TTC23: variants seen among roughly 807,000 people sequenced by gnomAD.
The protein encoded by TTC23 is tetratricopeptide repeat domain 23, also known as tetratricopeptide repeat protein 23.
Under a neutral mutation model 55.1 loss-of-function variants are expected in TTC23, and 58 were observed. That is an observed-to-expected ratio of 1.05 (90% CI 0.85 to 1.31). The LOEUF (loss-of-function observed/expected upper bound fraction) is 1.31, where lower values mean the gene tolerates loss of function less well. Among genes scored for constraint, TTC23 ranks in the 50% most tolerant of loss-of-function variants. The pLI is 0.00. For missense variants in TTC23, 516 were observed against 534.4 expected (o/e 0.97, Z 0.34); for synonymous variants, 203 against 199.9 (o/e 1.02, Z -0.13).
intron 9 of TTC23, among the ~76,000 whole-genome samples, chr15:99,182,928 G>T (rs1017513857): frequency 6.6e-6 from 1 of 152,108 alleles, no homozygotes; most frequent in Non-Finnish European, 1.5e-5. Flanking sequence ...AAGTGAAATA[G>T]TATGAAAATG....
chr15:99,199,146 G>A (rs2075987216), intron 9 of TTC23, among the ~76,000 whole-genome samples: 1 of 152,096 alleles, frequency 6.6e-6, no homozygotes, highest in Non-Finnish European at 1.5e-5. Flanking sequence ...CATCAAATCA[G>A]TTGAAGACCT....
chr15:99,173,925 G>A (rs765231242), intron 10 of TTC23, among the ~76,000 whole-genome samples: 1 of 152,188 alleles, frequency 6.6e-6, no homozygotes, highest in South Asian at 2.1e-4. Flanking sequence ...CATCAAACAT[G>A]TATTTTAAGT....
intron 4 of TTC23, among the ~76,000 whole-genome samples, chr15:99,230,235 A>G (rs904943858): frequency 6.6e-6 from 1 of 152,198 alleles, no homozygotes; most frequent in Non-Finnish European, 1.5e-5. Context: ...AGATAGAAAA[A>G]TTATGTGTGA....
chr15:99,185,929 A>G (rs1387871919), intron 9 of TTC23, among the ~76,000 whole-genome samples: 1 of 152,208 alleles, frequency 6.6e-6, no homozygotes, highest in Non-Finnish European at 1.5e-5. Context: ...ACAGGAAATA[A>G]AAGGTCTTTT....
At chr15:99,216,887 C>A (rs1567510929) in intron 8 of TTC23, among the ~76,000 whole-genome samples, 1 of 152,136 alleles carries the variant, frequency 6.6e-6, no homozygotes, top group Non-Finnish European at 1.5e-5. Context: ...GGGATATAAA[C>A]CTCAGAAAAA....
At chr15:99,185,392 G>A (rs1390951654) in intron 9 of TTC23, among the ~76,000 whole-genome samples, 1 of 152,176 alleles carries the variant, frequency 6.6e-6, no homozygotes, top group African/African-American at 2.4e-5. Context: ...CCTGACCAAG[G>A]CCAGTAAGTT....
Position 99,171,072 on chromosome 15 carries a change from T to A in TTC23, c.865+3978A>T, listed in dbSNP as rs371292762. Among the ~76,000 whole-genome samples, 9 of 152,368 alleles carry A rather than the reference T, an allele frequency of 5.9e-5. No homozygotes were observed. The East Asian group carries it at 9.6e-4, about 16-fold the overall frequency. ...AGGCCTTAGGGGCAAAGGTTTGTGC[T>A]CCTTTTTGCACCTGTTCCAGGACTT... On this transcript the variant is annotated intron_variant, in intron 10 of 13. Coordinates refer to ENST00000394132, the MANE Select transcript of TTC23 (RefSeq NM_001288615.3).
chr15:99,247,768 G>GATGATGAAAATTTTCTAAATTTTCTAGT (rs1291265266), intron 1 of TTC23, among the ~76,000 whole-genome samples: 4 of 151,410 alleles, frequency 2.6e-5, no homozygotes, highest in African/African-American at 9.6e-5. Context: ...AATTTTCTAG[G>GATGATGAAAATTTTCTAAATTTTCTAGT]ATGATGAAAA....
intron 8 of TTC23, among the ~76,000 whole-genome samples, chr15:99,201,143 C>A (rs930823392): frequency 7.2e-5 from 11 of 152,100 alleles, no homozygotes; most frequent in Admixed American, 7.2e-4. Context: ...TCCCAAACTT[C>A]TATGAAAATG....
chr15:99,206,822 TTTATTA>T (rs527363474), intron 8 of TTC23, among the ~76,000 whole-genome samples: 1 of 152,116 alleles, frequency 6.6e-6, no homozygotes. Context: ...TGCTTGGATT[TTTATTA>T]TTTTTTTATC....
At chr15:99,170,111 G>A (rs1225530615) in intron 10 of TTC23, among the ~76,000 whole-genome samples, 1 of 152,196 alleles carries the variant, frequency 6.6e-6, no homozygotes, top group African/African-American at 2.4e-5. Context: ...GTTTGTCTAT[G>A]CTCCTCTGGG....
At position 99,169,900 on chromosome 15, in the gene TTC23, T is replaced by A. The variant is rs190117850; in HGVS notation, c.865+5150A>T. On this transcript the variant is annotated intron_variant, in intron 10 of 13. Transcript: ENST00000394132. ...CTGCTGTCACTGAACGCTGCAGAAC[T>A]CCCCGGCCTGCAAGAGCCCAGGCCG... 1.4e-3 allele frequency among the ~76,000 whole-genome samples: 210 copies of A among 152,262 alleles called. 2 individuals are homozygous for A. Among genetic ancestry groups the A allele is most frequent in the African/African-American group, 4.8e-3 (198 of 41,546 alleles).
chr15:99,220,504 C>G (rs910734608), intron 6 of TTC23, among the ~76,000 whole-genome samples: 6 of 152,132 alleles, frequency 3.9e-5, no homozygotes, highest in Admixed American at 1.3e-4. Context: ...GAAAGCTGTT[C>G]TAACTCAGAC....
At chr15:99,149,660 C>A (rs1393822668) in intron 12 of TTC23, among the ~76,000 whole-genome samples, 1 of 152,212 alleles carries the variant, frequency 6.6e-6, no homozygotes, top group Non-Finnish European at 1.5e-5. Context: ...AAGAGTCGGG[C>A]CTTATATAAG....
At chr15:99,156,540 A>G (rs527507945) in intron 11 of TTC23, among the ~76,000 whole-genome samples, 1 of 152,190 alleles carries the variant, frequency 6.6e-6, no homozygotes, top group Non-Finnish European at 1.5e-5. Context: ...ACTTACAATC[A>G]TGGCAGAGGG....
intron 3 of TTC23, among the ~76,000 whole-genome samples, chr15:99,240,243 C>G (rs2152092752): frequency 6.6e-6 from 1 of 152,314 alleles, no homozygotes; most frequent in East Asian, 1.9e-4. Context: ...GCCTCTGAAC[C>G]TAGTGTTAAA....
intron 12 of TTC23, among the ~76,000 whole-genome samples, chr15:99,153,518 G>A (rs2151872863): frequency 6.6e-6 from 1 of 152,268 alleles, no homozygotes; most frequent in East Asian, 1.9e-4. Context: ...AATTCTTTTG[G>A]TTTGATTAAT....
intron 12 of TTC23, among the ~76,000 whole-genome samples, chr15:99,144,184 A>G (rs2068560108): frequency 6.6e-6 from 1 of 152,140 alleles, no homozygotes; most frequent in Admixed American, 6.5e-5. Flanking sequence ...CATGACCTTG[A>G]GGTTTGAAAG....
intron 4 of TTC23, among the ~76,000 whole-genome samples, chr15:99,234,539 T>C (rs578219536): frequency 6.6e-6 from 1 of 151,962 alleles, no homozygotes; most frequent in Admixed American, 6.5e-5. Flanking sequence ...CCTGGCTAAA[T>C]TTTTTTGTAT....
Sources: gnomAD v4.1 joint callset for allele counts (sites outside exome capture counted in the v4.1 genomes callset) on GRCh38, gnomAD v4.1.1 for gene constraint, MANE v1.5 for transcripts, NCBI Gene and HGNC (gene_info 2026-07-23, HGNC 2026-07-21) for gene names.